DENND2B: variants seen among roughly 807,000 people sequenced by gnomAD.
DENND2B encodes DENN domain-containing protein 2B.
DENND2B carries 32 observed loss-of-function variants against 116.0 expected under a neutral mutation model. The observed-to-expected ratio is 0.28, with a 90% confidence interval of 0.21 to 0.37. DENND2B has a LOEUF of 0.37. Among genes scored for constraint, DENND2B ranks in the 10% least tolerant of loss-of-function variants. DENND2B has a pLI of 1.00. For synonymous variants in DENND2B, 588 were observed against 583.9 expected (o/e 1.01, Z -0.10); for missense variants, 1,276 against 1,477.7 (o/e 0.86, Z 2.24).
chr11:8,733,505 G>C (rs759493807), intron 2 of DENND2B, among the ~76,000 whole-genome samples: 8 of 152,184 alleles, frequency 5.3e-5, no homozygotes, highest in Non-Finnish European at 1.2e-4. Flanking sequence ...TCATGTCCTC[G>C]TGAAGCTTAT....
chr11:8,797,156 C>T (rs1020716575), intron 1 of DENND2B, among the ~76,000 whole-genome samples: 3 of 152,178 alleles, frequency 2.0e-5, no homozygotes, highest in African/African-American at 7.2e-5. Flanking sequence ...TACTCCACAT[C>T]CCTGCAGATG....
upstream of DENND2B, among the ~76,000 whole-genome samples, chr11:8,814,267 C>CCTTTT (rs1555204789): frequency 8.2e-6 from 1 of 121,510 alleles, no homozygotes; most frequent in Non-Finnish European, 1.6e-5. Context: ...TCTGAATCAC[C>CCTTTT]TTTTTTTTTT....
At chr11:8,819,736 A>G (rs1250160618) in intron 4 of DENND2B, among the ~76,000 whole-genome samples, 2 of 152,356 alleles carry the variant, frequency 1.3e-5, no homozygotes, top group Admixed American at 1.3e-4. Context: ...AGGGTCATGA[A>G]AGACAAGGAC....
In DENND2B at chr11:8,793,550, A is replaced by C. The variant is rs145092217; in HGVS notation, c.-26+16967T>G. Among the ~76,000 whole-genome samples, 362 of 152,348 alleles carry C rather than the reference A, an allele frequency of 2.4e-3. 4 individuals are homozygous for C. The highest frequency in any genetic ancestry group is 8.2e-3 in the African/African-American group (343 of 41,576). ...CTTTCACAGCTGAAGAATAGTCCAC[A>C]GTCTGTATTACTGTGTTTATACATT... On this transcript the variant is annotated intron_variant, in intron 1 of 19. Coordinates refer to ENST00000313726, the MANE Select transcript of DENND2B (RefSeq NM_213618.2).
At chr11:8,908,556 A>G (rs183639218) in intron 1 of DENND2B, among the ~76,000 whole-genome samples, 160 of 152,372 alleles carry the variant, frequency 1.1e-3, no homozygotes, top group African/African-American at 3.7e-3. Context: ...ATAAAAAATA[A>G]AGAGGACCAA....
At chr11:8,846,915 A>C (rs1420069082) in intron 3 of DENND2B, among the ~76,000 whole-genome samples, 1 of 152,244 alleles carries the variant, frequency 6.6e-6, no homozygotes, top group Non-Finnish European at 1.5e-5. Context: ...CCTGTCCCAC[A>C]GGGTGACCCC....
chr11:8,833,853 T>G (rs989490617), intron 4 of DENND2B, among the ~76,000 whole-genome samples: 2 of 152,112 alleles, frequency 1.3e-5, no homozygotes, highest in Non-Finnish European at 2.9e-5. Flanking sequence ...AATTGCATAA[T>G]AAGGGTCTGC....
At chr11:8,827,953 C>G (rs1175136040) in intron 4 of DENND2B, among the ~76,000 whole-genome samples, 2 of 152,130 alleles carry the variant, frequency 1.3e-5, no homozygotes, top group African/African-American at 4.8e-5. Context: ...CCCTATTGCA[C>G]CAGACTGGAG....
intron 1 of DENND2B, among the ~76,000 whole-genome samples, chr11:8,886,594 T>A (rs1002278745): frequency 1.8e-4 from 28 of 151,638 alleles, no homozygotes; most frequent in African/African-American, 6.8e-4. Context: ...GCAAATGTAC[T>A]GAGTTAAACT....
At chr11:8,781,038 G>A (rs778555008) in intron 1 of DENND2B, among the ~76,000 whole-genome samples, 4 of 152,134 alleles carry the variant, frequency 2.6e-5, no homozygotes, top group Non-Finnish European at 5.9e-5. Flanking sequence ...GGGAATCTCC[G>A]AGTTCAGCAT....
intron 1 of DENND2B, among the ~76,000 whole-genome samples, chr11:8,760,803 T>A (rs2086687725): frequency 6.6e-6 from 1 of 152,172 alleles, no homozygotes; most frequent in Admixed American, 6.5e-5. Context: ...ATGGGGATAG[T>A]GAGCCTGGTC....
At chr11:8,906,959 A>G (rs1443345968) in intron 1 of DENND2B, among the ~76,000 whole-genome samples, 1 of 152,170 alleles carries the variant, frequency 6.6e-6, no homozygotes, top group Non-Finnish European at 1.5e-5. Context: ...CACAGTACCC[A>G]CTTTTGCATC....
intron 1 of DENND2B, among the ~76,000 whole-genome samples, chr11:8,807,106 G>T (rs1156299864): frequency 6.6e-6 from 1 of 152,156 alleles, no homozygotes; most frequent in East Asian, 1.9e-4. Context: ...GCTCGGAAGG[G>T]CTGCTGCCAG....
intron 17 of DENND2B, among the ~76,000 whole-genome samples, chr11:8,697,086 TGCTCATA>T (rs1256598182): frequency 1.3e-5 from 2 of 152,240 alleles, no homozygotes; most frequent in African/African-American, 2.4e-5. Flanking sequence ...TGCTTTCTTG[TGCTCATA>T]GCCTTGTAAC....
intron 3 of DENND2B, among the ~76,000 whole-genome samples, chr11:8,843,663 G>A (rs57375414): frequency 0.012 from 1,765 of 152,140 alleles, 44 homozygotes; most frequent in African/African-American, 0.041. Context: ...CCTCTCATAC[G>A]GAATACACAA....
chr11:8,805,161 G>C (rs1383853052), intron 1 of DENND2B, among the ~76,000 whole-genome samples: 1 of 152,156 alleles, frequency 6.6e-6, no homozygotes, highest in Non-Finnish European at 1.5e-5. Context: ...AGGCCTCTAA[G>C]ACCCCTGAGC....
intron 1 of DENND2B, among the ~76,000 whole-genome samples, chr11:8,888,836 T>C (rs1263754509): frequency 6.6e-6 from 1 of 152,172 alleles, no homozygotes; most frequent in Non-Finnish European, 1.5e-5. Flanking sequence ...TCACTAATCA[T>C]TACGGAAATG....
At chr11:8,898,417 A>C (rs2064128221) in intron 1 of DENND2B, among the ~76,000 whole-genome samples, 1 of 152,200 alleles carries the variant, frequency 6.6e-6, no homozygotes, top group Non-Finnish European at 1.5e-5. Context: ...TAGAAAGGAA[A>C]AAATTAAGAA....
At chr11:8,719,203 A>G in intron 4 of DENND2B, 3 of 985,506 alleles carry the variant, frequency 3.0e-6, no homozygotes, top group Non-Finnish European at 3.6e-6. Context: ...TAGAGAGGAC[A>G]CGGGAGAAGA....
Sources: allele counts gnomAD v4.1 joint callset (sites outside exome capture counted in the v4.1 genomes callset), GRCh38; gene constraint gnomAD v4.1.1; transcripts MANE v1.5; gene names NCBI Gene and HGNC (gene_info 2026-07-23, HGNC 2026-07-21).